SLC35E1: variants seen among roughly 807,000 people sequenced by gnomAD.
SLC35E1 encodes solute carrier family 35 member E1, also known as solute carrier family 35, member E1.
Under a neutral mutation model 31.0 loss-of-function variants are expected in SLC35E1, and 12 were observed. That is an observed-to-expected ratio of 0.39 (90% CI 0.25 to 0.63). The LOEUF is 0.63. Ranked by LOEUF, SLC35E1 falls within the 20% of genes least tolerant of loss-of-function variation. The probability of loss-of-function intolerance (pLI) is 0.52; values close to 1 mark genes in which losing one functional copy is unlikely to be tolerated. For missense variants in SLC35E1, 429 were observed against 572.2 expected (o/e 0.75, Z 2.55); for synonymous variants, 257 against 264.1 (o/e 0.97, Z 0.26).
intron 2 of SLC35E1, 62 bp from the exon 3 acceptor site, chr19:16,568,231 A>C: frequency 6.6e-7 from 1 of 1,521,026 alleles, no homozygotes; most frequent in Non-Finnish European, 8.8e-7. Flanking sequence ...CACATGCCAC[A>C]GATGCCCAGG....
intron 2 of SLC35E1, among the ~76,000 whole-genome samples, chr19:16,569,739 G>A (rs768181494): frequency 1.3e-5 from 2 of 152,174 alleles, no homozygotes; most frequent in Admixed American, 6.5e-5. Flanking sequence ...CCGGCTACTC[G>A]GGAGGCTGAG....
chr19:16,557,906 T>G (rs2085882936), intron 4 of SLC35E1, among the ~76,000 whole-genome samples: 1 of 152,030 alleles, frequency 6.6e-6, no homozygotes, highest in South Asian at 2.1e-4. Context: ...CTCCGCCTCC[T>G]GGGTTCACGC....
At position 16,568,240 on chromosome 19, in the gene SLC35E1, G is replaced by C. The variant is rs2085941619; in HGVS notation, c.493-71C>G. 2.7e-6 allele frequency: 4 copies of C among 1,505,274 alleles called. No individual in the cohort carries two copies. The South Asian group carries it at 5.2e-5, about 20-fold the overall frequency. 93.2% of individuals were successfully genotyped at this position (1,505,274 alleles called of 1,614,324 possible). On this transcript the variant is annotated intron_variant, in intron 2 of 5. Coordinates refer to ENST00000595753, the MANE Select transcript of SLC35E1 (RefSeq NM_024881.5). ...CTGGGCCACATGCCACAGATGCCCA[G>C]GGAAGAGCCCCTCTCCTCCCTCAGC... is the stretch of plus-strand genomic sequence containing the variant.
chr19:16,569,993 CTCTCAGTCCA>C lies in SLC35E1; in HGVS notation c.492+1509_492+1518del, dbSNP rs547231675. On this transcript the variant is annotated intron_variant, in intron 2 of 5. Transcript: ENST00000595753. ...TGGCCCTCAGGCACATGATTCTCCC[CTCTCAGTCCA>C]TCTCAGGAAAACCTGAGATCAGGAA... Among the ~76,000 whole-genome samples, 23 of 152,352 alleles carry C rather than the reference CTCTCAGTCCA, an allele frequency of 1.5e-4. 1 individual carries two copies. In the South Asian group the frequency reaches 4.6e-3, roughly 30 times the overall value.
intron 4 of SLC35E1, among the ~76,000 whole-genome samples, chr19:16,560,638 G>A (rs1302556937): frequency 6.6e-6 from 1 of 152,116 alleles, no homozygotes; most frequent in Non-Finnish European, 1.5e-5. Flanking sequence ...GAGGCAGGGA[G>A]ATGATCTGAG....
intron 3 of SLC35E1, among the ~76,000 whole-genome samples, chr19:16,567,539 A>G (rs1169296473): frequency 6.6e-6 from 1 of 152,088 alleles, no homozygotes; most frequent in Non-Finnish European, 1.5e-5. Context: ...TTTCTTATTG[A>G]GCACATTAAC....
rs569796304 is a variant in SLC35E1, at chr19:16,571,796, G to C, written c.421+148C>G. 4.6e-5 allele frequency: 43 copies of C among 936,700 alleles called. 1 individual carries two copies. In the South Asian group the frequency reaches 6.8e-4, roughly 15 times the overall value. The allele number at this position is 936,700 out of a possible 1,614,324, so 58.0% of individuals were successfully genotyped here. On this transcript the variant is annotated intron_variant, in intron 1 of 5. Coordinates refer to ENST00000595753, the MANE Select transcript of SLC35E1 (RefSeq NM_024881.5). ...CCTCTTCTCCCTGAGAACCCCGTGC[G>C]TGTCCCTCCCCTACCAAACCCTTGG...
In SLC35E1 at chr19:16,552,128, TG is replaced by T. The variant is rs2085848783; in HGVS notation, c.*1550del. 1 of 152,146 alleles carries T rather than the reference TG, an allele frequency of 6.6e-6. No homozygotes were observed. The highest frequency in any genetic ancestry group is 1.9e-4 in the East Asian group (1 of 5,204). The allele number at this position is 152,146 out of a possible 1,614,324, so 9.4% of individuals were successfully genotyped here. A position where few individuals can be genotyped will look rare whatever the true frequency, so the allele number is the denominator to read the frequency against. ...GCTCCTCGTCCCCTTACCCAGAACATGATTCAGATCCTAACATAAACACAAA... is the reference window on the plus strand; with the variant it reads ...GCTCCTCGTCCCCTTACCCAGAACATATTCAGATCCTAACATAAACACAAA... On this transcript the variant is annotated 3_prime_UTR_variant, in exon 6 of 6. Coordinates refer to ENST00000595753, the MANE Select transcript of SLC35E1 (RefSeq NM_024881.5).
intron 2 of SLC35E1, among the ~76,000 whole-genome samples, chr19:16,569,565 T>G (rs577718760): frequency 6.6e-5 from 10 of 152,290 alleles, no homozygotes; most frequent in Non-Finnish European, 1.3e-4. Flanking sequence ...CTTCTGACTC[T>G]CGGCTCAATC....
In SLC35E1 at chr19:16,565,166, A is replaced by G. The variant is rs148866200; in HGVS notation, c.756+1366T>C. ...GGCAAAAAGATTCGACGTGGAGTAAATGGAAACAGAGACCAGGGAGGAACT... is the reference window on the plus strand; with the variant it reads ...GGCAAAAAGATTCGACGTGGAGTAAGTGGAAACAGAGACCAGGGAGGAACT... On this transcript the variant is annotated intron_variant, in intron 4 of 5. Transcript: ENST00000595753. The G allele has an allele frequency of 8.7e-4, 399 of 456,088 alleles. 1 individual carries two copies. Among genetic ancestry groups the G allele is most frequent in the African/African-American group, 7.5e-3 (377 of 50,106 alleles). The allele number at this position is 456,088 out of a possible 1,614,324, so 28.3% of individuals were successfully genotyped here. A position where few individuals can be genotyped will look rare whatever the true frequency, so the allele number is the denominator to read the frequency against.
rs753890960 is a variant in SLC35E1 at position 16,568,076 on chromosome 19, C to T, written c.586G>A (p.Ala196Thr). 4.3e-6 allele frequency: 7 copies of T among 1,613,548 alleles called. No individual in the cohort carries two copies. The highest frequency in any genetic ancestry group is 1.7e-5 in the Admixed American group (1 of 59,946). Residue 196 changes from alanine to threonine, a missense_variant, in exon 3 of 6, where the codon GCC becomes ACC. Physicochemically the swap from Ala to Thr is moderately conservative, Grantham distance 58. Transcript: ENST00000595753. ...FDMWGLVSAL[A>T]ATLCFSLQNI... ...TGAAGCGAGAAGCACAGCGTGGCGG[C>T]GAGGGCGCTGACGAGTCCCCACATG...
intron 3 of SLC35E1, among the ~76,000 whole-genome samples, chr19:16,567,430 T>A (rs545790602): frequency 6.6e-6 from 1 of 152,352 alleles, no homozygotes; most frequent in East Asian, 1.9e-4. Flanking sequence ...TCACTTGAGC[T>A]TCGAAGACTG....
chr19:16,572,064 G>C lies in SLC35E1; in HGVS notation c.301C>G (p.Pro101Ala). 1 of 1,539,248 alleles carries C rather than the reference G, an allele frequency of 6.5e-7. No individual in the cohort carries two copies. The highest frequency in any genetic ancestry group is 8.8e-7 in the Non-Finnish European group (1 of 1,142,582). ...GGGTAGAAGCGCGGCGGCAGCAGCG[G>C]GCCGGACGACGGATGCGGACTGGGT... ...PGPSPHPSSG[P>A]LLPPRFYPRY... is the part of the protein sequence containing the mutation. The change falls in exon 1 of 6, where the codon CCG (proline) becomes GCG (alanine). Residue 101 changes from proline to alanine, a missense_variant. By Grantham distance (27) the Pro-to-Ala change is conservative. Transcript: ENST00000595753. This position sits in a 1 kb window ranked among gnomAD's most constrained non-coding sequence, Gnocchi z 4.1.
intron 4 of SLC35E1, among the ~76,000 whole-genome samples, chr19:16,562,047 A>G (rs1213452765): frequency 2.0e-5 from 3 of 152,132 alleles, no homozygotes; most frequent in Non-Finnish European, 4.4e-5. Flanking sequence ...AACCAAACAA[A>G]ACACCACCAA....
At chr19:16,558,548 G>A (rs1331551144) in intron 4 of SLC35E1, among the ~76,000 whole-genome samples, 1 of 152,052 alleles carries the variant, frequency 6.6e-6, no homozygotes, top group African/African-American at 2.4e-5. Flanking sequence ...TATTGGGCAG[G>A]CTGGTCTCGA....
chr19:16,566,578 G>C lies in SLC35E1; in HGVS notation c.710C>G (p.Thr237Ser). The stretch of plus-strand genomic sequence containing the variant: ...AGCCGAGAGGTCCACCAGAACCCAG[G>C]TGGGGATCATAAAGAAGACGGCGTG... ...GCHAVFFMIP[T>S]WVLVDLSAFL... Residue 237 changes from threonine (T) to serine (S), a missense_variant, in exon 4 of 6, where the codon ACC (threonine) becomes AGC (serine). By Grantham distance (58) the Thr-to-Ser change is moderately conservative (BLOSUM62 1). Transcript: ENST00000595753. 1 of 1,612,802 alleles carries C rather than the reference G, an allele frequency of 6.2e-7. No homozygotes were observed. The highest frequency in any genetic ancestry group is 1.1e-5 in the South Asian group (1 of 91,010).
chr19:16,570,957 G>A (rs2085954867), intron 2 of SLC35E1, among the ~76,000 whole-genome samples: 3 of 152,072 alleles, frequency 2.0e-5, no homozygotes, highest in African/African-American at 7.2e-5. Flanking sequence ...AATTAGCCAG[G>A]TGTGGTAGTG....
chr19:16,571,866 C>G, intron 1 of SLC35E1, 78 bp downstream of exon 1: 1 of 1,389,216 alleles, frequency 7.2e-7, no homozygotes, highest in Non-Finnish European at 9.7e-7. Flanking sequence ...GCGCCCCGGG[C>G]GGCGCACTCC....
In SLC35E1 at chr19:16,566,652, C is replaced by T. The variant is rs1303480275; in HGVS notation, c.636G>A (p.Leu212=). 1.2e-6 allele frequency: 2 copies of T among 1,611,678 alleles called. No individual in the cohort carries two copies. Among genetic ancestry groups the T allele is most frequent in the Middle Eastern group, 2.2e-4 (1 of 4,586 alleles). Reference sequence around the variant, plus strand: ...GGAGATGGTGGATCCGTGAATCTCGCAAGACCTGGAAAGGGAAAGCCTCTT... The same window carrying T: ...GGAGATGGTGGATCCGTGAATCTCGTAAGACCTGGAAAGGGAAAGCCTCTT... The part of the protein sequence containing the change: ...SLQNIFSKKV[L]RDSRIHHLRL... The change falls in exon 4 of 6, where the codon TTG becomes TTA. Residue 212 remains leucine (L), a synonymous_variant. Transcript: ENST00000595753.
Sources: gnomAD v4.1 joint callset for allele counts (sites outside exome capture counted in the v4.1 genomes callset) on GRCh38, gnomAD v4.1.1 for gene constraint, Gnocchi (gnomAD v3.1) non-coding constraint, MANE v1.5 for transcripts, NCBI Gene and HGNC (gene_info 2026-07-23, HGNC 2026-07-21) for gene names.